Variants in PAX8 observed in about 807,000 individuals in gnomAD.
PAX8 encodes paired box protein Pax-8.
A neutral mutation model predicts 52.4 loss-of-function variants in PAX8; 15 were observed. The ratio of observed to expected loss-of-function variants is 0.29; its 90% CI spans 0.19 to 0.44. The LOEUF is 0.44. Ranked by LOEUF, PAX8 falls within the 20% of genes least tolerant of loss-of-function variation. The pLI is 1.00. For synonymous variants in PAX8, 284 were observed against 249.7 expected (o/e 1.14, Z -1.29); for missense variants, 554 against 602.5 (o/e 0.92, Z 0.84).
chr2:113,240,387 T>A (rs1690716040), intron 7 of PAX8: 1 of 152,272 alleles, frequency 6.6e-6, no homozygotes, highest in African/African-American at 2.4e-5. Context: ...GGCTGATTAT[T>A]GGCATCATCT....
At chr2:113,257,593 CAGGGGAGGGAGAT>C (rs1692354182) in intron 2 of PAX8, among the ~76,000 whole-genome samples, 1 of 152,086 alleles carries the variant, frequency 6.6e-6, no homozygotes, top group South Asian at 2.1e-4. Context: ...TGGGGAGGGA[CAGGGGAGGGAGAT>C]AGAGGATGGA....
intron 2 of PAX8, among the ~76,000 whole-genome samples, chr2:113,257,007 G>A (rs1692313475): frequency 6.6e-6 from 1 of 152,162 alleles, no homozygotes; most frequent in South Asian, 2.1e-4. Context: ...AGGTTCTGGG[G>A]ACATAGGGGG....
intron 2 of PAX8, chr2:113,274,330 T>C: frequency 6.6e-6 from 1 of 152,134 alleles, no homozygotes; most frequent in Admixed American, 6.6e-5. Flanking sequence ...GGTAGAAAAC[T>C]GGGGGTATCC....
At chr2:113,235,604 C>T (rs1049815720) in intron 8 of PAX8, 22 bp from the exon 9 acceptor site, 2 of 1,591,028 alleles carry the variant, frequency 1.3e-6, no homozygotes, top group Non-Finnish European at 1.7e-6. Flanking sequence ...AGGGAGACAA[C>T]AAGGAGAGAG....
At position 113,235,529 on chromosome 2, in the gene PAX8, T is replaced by C; in HGVS notation, c.952A>G (p.Ser318Gly). ...KQETPEVSSS[S>G]STPSSLSSSA... Reference sequence around the variant, plus strand: ...CTAGATAAAGAGGAAGGGGTGGAGCTAGAACTGGACACCTCGGGGGTTTCC... The same window carrying C: ...CTAGATAAAGAGGAAGGGGTGGAGCCAGAACTGGACACCTCGGGGGTTTCC... Residue 318 changes from serine (S) to glycine (G), a missense_variant, in exon 9 of 12, where the codon AGC becomes GGC. Around this residue, in one of 2 missense-constraint regions of PAX8, gnomAD observed 445 missense variants for 409.9 expected, o/e 1.09. Transcript: ENST00000429538. 1 of 1,613,788 alleles carries C rather than the reference T, an allele frequency of 6.2e-7. No homozygotes were observed. The highest frequency in any genetic ancestry group is 8.5e-7 in the Non-Finnish European group (1 of 1,179,814).
intron 10 of PAX8, 75 bp downstream of exon 10, chr2:113,227,080 C>A (rs1459568735): frequency 6.5e-7 from 1 of 1,537,936 alleles, no homozygotes; most frequent in Non-Finnish European, 8.7e-7. Context: ...CAGTATGCCT[C>A]TTGCTCCTTG....
At chr2:113,263,936 A>G (rs1182622431) in intron 2 of PAX8, among the ~76,000 whole-genome samples, 1 of 152,230 alleles carries the variant, frequency 6.6e-6, no homozygotes, top group Non-Finnish European at 1.5e-5. Flanking sequence ...AGAAGAAGAA[A>G]AAAAAGGAAG....
chr2:113,242,741 G>C lies in PAX8; in HGVS notation c.427C>G (p.Pro143Ala). Reference protein sequence around the residue: ...RTKVQQPFNLPMDSCVATKSL... With the variant: ...RTKVQQPFNLAMDSCVATKSL... Reference sequence around the variant, plus strand: ...TTGGTGGCCACGCAGCTGTCCATAGGGAGGTTGAATGGTTGCTGCACTTTG... The same window carrying C: ...TTGGTGGCCACGCAGCTGTCCATAGCGAGGTTGAATGGTTGCTGCACTTTG... The change falls in exon 5 of 12, where the codon CCT (proline) becomes GCT (alanine). Residue 143 changes from proline (P) to alanine (A), a missense_variant. Physicochemically the swap from Pro to Ala is conservative, Grantham distance 27 (BLOSUM62 -1). Transcript: ENST00000429538. 1.9e-6 allele frequency: 3 copies of C among 1,614,014 alleles called. No homozygotes were observed. Among genetic ancestry groups the C allele is most frequent in the Non-Finnish European group, 2.5e-6 (3 of 1,179,924 alleles).
intron 7 of PAX8, chr2:113,240,504 A>C (rs892246217): frequency 6.6e-6 from 1 of 152,264 alleles, no homozygotes; most frequent in African/African-American, 2.4e-5. Flanking sequence ...GACACTCCTC[A>C]TCTGGTTGAC....
rs553965931 is a variant in PAX8, at chr2:113,217,262, C to G, written c.*1271G>C. The G allele has an allele frequency of 1.8e-4, 41 of 228,388 alleles. No homozygotes were observed. Among genetic ancestry groups the G allele is most frequent in the Non-Finnish European group, 7.8e-5 (9 of 114,848 alleles). The allele number at this position is 228,388 out of a possible 1,614,324, so 14.1% of individuals were successfully genotyped here. The stretch of plus-strand genomic sequence containing the variant: ...GCATCAGATGGTCCCTTCCAGCCCA[C>G]GGCCCCAAAGTGAGTTTGTCGGCTA... On this transcript the variant is annotated 3_prime_UTR_variant, in exon 12 of 12. Coordinates refer to ENST00000429538, the MANE Select transcript of PAX8 (RefSeq NM_003466.4).
At chr2:113,244,375 C>A in intron 4 of PAX8, 52 bp downstream of exon 4, 1 of 1,402,276 alleles carries the variant, frequency 7.1e-7, no homozygotes, top group Non-Finnish European at 1.0e-6. Flanking sequence ...TTCCTGATTT[C>A]CCCAAAGCCC....
At chr2:113,265,038 G>T (rs1260983521) in intron 2 of PAX8, among the ~76,000 whole-genome samples, 1 of 152,246 alleles carries the variant, frequency 6.6e-6, no homozygotes, top group Non-Finnish European at 1.5e-5. Flanking sequence ...TGGATTAAAA[G>T]GAAGTGCAAG....
At chr2:113,232,490 G>A (rs1017193438) in intron 9 of PAX8, among the ~76,000 whole-genome samples, 5 of 152,238 alleles carry the variant, frequency 3.3e-5, no homozygotes, top group Non-Finnish European at 5.9e-5. Context: ...CCACCAGCCT[G>A]AAAGATATGC....
chr2:113,276,106 C>G (rs1475391281), intron 2 of PAX8: 1 of 152,226 alleles, frequency 6.6e-6, no homozygotes, highest in Non-Finnish European at 1.5e-5. Context: ...ACAGAGGTGC[C>G]TGGGGAAAAG....
intron 7 of PAX8, chr2:113,236,960 G>A (rs772481051): frequency 1.8e-6 from 1 of 564,902 alleles, no homozygotes; most frequent in Non-Finnish European, 3.1e-6. Context: ...GTGGGATAGA[G>A]AGTCTCAGCC....
chr2:113,218,612 G>A lies in PAX8; in HGVS notation c.1277-3C>T. ...GGAACTGTAATAATATGGGGAACCT[G>A]GACACATTAAAAAAAAATAACAACA... On this transcript the variant is annotated splice_polypyrimidine_tract_variant and splice_region_variant and intron_variant, in intron 11 of 11. Transcript: ENST00000429538. 6.5e-7 allele frequency: 1 copy of A among 1,548,290 alleles called. No homozygotes were observed. Among genetic ancestry groups the A allele is most frequent in the Non-Finnish European group, 8.7e-7 (1 of 1,143,370 alleles).
rs1689018900 is a variant in PAX8 at position 113,216,080 on chromosome 2, G to A, written c.*2453C>T. The A allele has an allele frequency of 1.3e-5, 3 of 226,426 alleles. No individual in the cohort carries two copies. The highest frequency in any genetic ancestry group is 2.7e-3 in the Middle Eastern group (2 of 752). The allele number at this position is 226,426 out of a possible 1,614,324, so 14.0% of individuals were successfully genotyped here. On this transcript the variant is annotated 3_prime_UTR_variant, in exon 12 of 12. Coordinates refer to ENST00000429538, the MANE Select transcript of PAX8 (RefSeq NM_003466.4). ...GCCGGGGGTACAGAGTGTCCCCAGA[G>A]GGGCTGTGGCTGTGAATGCAAGGGA... is the stretch of plus-strand genomic sequence containing the variant.
intron 7 of PAX8, chr2:113,240,218 A>C (rs1421465308): frequency 6.6e-6 from 1 of 152,264 alleles, no homozygotes; most frequent in Non-Finnish European, 1.5e-5. Context: ...CTGGTGCGTG[A>C]GCACCCCAGG....
At chr2:113,235,701 C>T in intron 8 of PAX8, 119 bp from the exon 9 acceptor site, 2 of 757,342 alleles carry the variant, frequency 2.6e-6, no homozygotes, top group Non-Finnish European at 2.1e-6. Flanking sequence ...GGCTCAGCTG[C>T]CCTCAGAGTC....
Sources: gnomAD v4.1 joint callset for allele counts (sites outside exome capture counted in the v4.1 genomes callset) on GRCh38, gnomAD v4.1.1 for gene constraint, gnomAD v4.1.1 regional missense constraint, MANE v1.5 for transcripts, NCBI Gene and HGNC (gene_info 2026-07-23, HGNC 2026-07-21) for gene names.